KCNT2: variants seen among roughly 807,000 people sequenced by gnomAD.
KCNT2 encodes potassium sodium-activated channel subfamily T member 2, also known as potassium channel subfamily T member 2.
A neutral mutation model predicts 153.8 loss-of-function variants in KCNT2; 67 were observed. The ratio of observed to expected loss-of-function variants is 0.44; its 90% confidence interval spans 0.36 to 0.53. KCNT2 has a LOEUF of 0.53. Ranked by LOEUF, KCNT2 falls within the 20% of genes least tolerant of loss-of-function variation. The probability of loss-of-function intolerance (pLI) is 0.00; values close to 1 mark genes in which losing one functional copy is unlikely to be tolerated. For missense variants in KCNT2, 975 were observed against 1,354.8 expected (o/e 0.72, Z 4.40); for synonymous variants, 500 against 458.8 (o/e 1.09, Z -1.15).
intron 25 of KCNT2, among the ~76,000 whole-genome samples, chr1:196,279,785 A>G (rs1046150579): frequency 4.6e-4 from 70 of 152,190 alleles, no homozygotes; most frequent in African/African-American, 1.6e-3. Flanking sequence ...AGCAACTCAG[A>G]AAAACTAACC....
At chr1:196,271,091 A>T (rs1432507104) in intron 25 of KCNT2, among the ~76,000 whole-genome samples, 1 of 151,960 alleles carries the variant, frequency 6.6e-6, no homozygotes, top group Non-Finnish European at 1.5e-5. Flanking sequence ...CCTTTGCAGC[A>T]TCTGAGAACC....
chr1:196,497,766 T>G (rs1185493978), intron 1 of KCNT2, among the ~76,000 whole-genome samples: 3 of 152,200 alleles, frequency 2.0e-5, no homozygotes, highest in Non-Finnish European at 4.4e-5. Context: ...TTTGGTGAAT[T>G]ACTTCAACAG....
intron 11 of KCNT2, among the ~76,000 whole-genome samples, chr1:196,425,067 T>C (rs1477671220): frequency 1.3e-5 from 2 of 151,972 alleles, no homozygotes; most frequent in Non-Finnish European, 2.9e-5. Flanking sequence ...AAGATATGTT[T>C]AAAACTTTAA....
chr1:196,225,819 A>G lies in KCNT2; in HGVS notation c.*2405T>C, dbSNP rs1418860841. Reference sequence around the variant, plus strand: ...ATAATTTTATTATTTATTTTAAAGCAGTTCAATGTAACTGGTAGCAAAATG... The same window carrying G: ...ATAATTTTATTATTTATTTTAAAGCGGTTCAATGTAACTGGTAGCAAAATG... On this transcript the variant is annotated 3_prime_UTR_variant, in exon 28 of 28. Transcript: ENST00000294725. The G allele has an allele frequency of 6.6e-6, 1 of 152,212 alleles. No individual in the cohort carries two copies. The highest frequency in any genetic ancestry group is 1.5e-5 in the Non-Finnish European group (1 of 68,018). 9.4% of individuals were successfully genotyped at this position (152,212 alleles called of 1,614,324 possible). A position where few individuals can be genotyped will look rare whatever the true frequency, so the allele number is the denominator to read the frequency against.
chr1:196,286,638 T>TAC (rs201006771), intron 22 of KCNT2, among the ~76,000 whole-genome samples: 4,682 of 134,294 alleles, frequency 0.035, 101 homozygotes, highest in African/African-American at 0.074. Context: ...CACACACACA[T>TAC]ACACACACAC....
chr1:196,486,517 A>G (rs2148717562), intron 3 of KCNT2, among the ~76,000 whole-genome samples: 1 of 152,124 alleles, frequency 6.6e-6, no homozygotes, highest in South Asian at 2.1e-4. Flanking sequence ...ACACTTATGA[A>G]CTGTCTTAAA....
intron 12 of KCNT2, among the ~76,000 whole-genome samples, chr1:196,415,162 A>G (rs912740901): frequency 2.6e-5 from 4 of 151,990 alleles, no homozygotes; most frequent in South Asian, 4.1e-4. Flanking sequence ...ACAAAATGAT[A>G]CAAACAAAAC....
intron 1 of KCNT2, among the ~76,000 whole-genome samples, chr1:196,549,524 GCTTGTGACTTAAGTTAAATC>G (rs1455833459): frequency 1.3e-5 from 2 of 151,680 alleles, no homozygotes; most frequent in Non-Finnish European, 2.9e-5. Flanking sequence ...TCTCTGGTCG[GCTTGTGACTTAAGTTAAATC>G]CTTCCAAAAT....
intron 22 of KCNT2, among the ~76,000 whole-genome samples, chr1:196,289,408 C>T (rs1425813440): frequency 1.3e-5 from 2 of 152,010 alleles, no homozygotes; most frequent in African/African-American, 4.8e-5. Flanking sequence ...GGGCAGAGAC[C>T]ATGATTTTGC....
At chr1:196,316,186 A>G (rs1300672762) in intron 20 of KCNT2, among the ~76,000 whole-genome samples, 160 bp from the exon 21 acceptor site, 1 of 151,762 alleles carries the variant, frequency 6.6e-6, no homozygotes, top group Non-Finnish European at 1.5e-5. Flanking sequence ...TTATGATACA[A>G]TATTATCTAC....
intron 18 of KCNT2, among the ~76,000 whole-genome samples, chr1:196,330,665 C>A (rs975322150): frequency 6.6e-5 from 10 of 151,926 alleles, no homozygotes; most frequent in African/African-American, 2.4e-4. Flanking sequence ...TCTTGGACAT[C>A]CAAGAATGAC....
chr1:196,293,435 C>G (rs1660382882), intron 22 of KCNT2, among the ~76,000 whole-genome samples: 1 of 152,168 alleles, frequency 6.6e-6, no homozygotes, highest in South Asian at 2.1e-4. Flanking sequence ...TAGAATGGTA[C>G]TGGCATAAAA....
chr1:196,447,887 C>T (rs1675831797), intron 8 of KCNT2, among the ~76,000 whole-genome samples: 1 of 151,022 alleles, frequency 6.6e-6, no homozygotes, highest in Non-Finnish European at 1.5e-5. Context: ...GAAGTCAGGC[C>T]ACCGAGAGCA....
At chr1:196,535,901 C>T (rs965094986) in intron 1 of KCNT2, among the ~76,000 whole-genome samples, 1 of 152,240 alleles carries the variant, frequency 6.6e-6, no homozygotes, top group East Asian at 1.9e-4. Flanking sequence ...AGTTGTGTGC[C>T]TGCACTCCAA....
At chr1:196,426,035 T>TGTTACA in intron 10 of KCNT2, 47 bp from the exon 11 acceptor site, 1 of 1,438,970 alleles carries the variant, frequency 6.9e-7, no homozygotes. Context: ...AAATGTTTTA[T>TGTTACA]GTTACACTAC....
chr1:196,422,296 T>C (rs1673281355), intron 12 of KCNT2, among the ~76,000 whole-genome samples: 1 of 151,928 alleles, frequency 6.6e-6, no homozygotes. Context: ...CTATGCACAG[T>C]TTGCCTTTTC....
At chr1:196,382,080 C>A (rs903289284) in intron 13 of KCNT2, among the ~76,000 whole-genome samples, 4 of 56,154 alleles carry the variant, frequency 7.1e-5, no homozygotes, top group African/African-American at 2.0e-4. Context: ...AATGTTTAAC[C>A]AAATTTATTT....
chr1:196,546,400 T>C (rs187360258), intron 1 of KCNT2, among the ~76,000 whole-genome samples: 89 of 152,202 alleles, frequency 5.8e-4, no homozygotes, highest in Admixed American at 3.7e-3. Flanking sequence ...GCTACTCTTC[T>C]TATCTTTGCA....
intron 1 of KCNT2, among the ~76,000 whole-genome samples, chr1:196,519,307 G>A (rs1653031295): frequency 6.6e-6 from 1 of 151,914 alleles, no homozygotes; most frequent in African/African-American, 2.4e-5. Context: ...GTGTTAAGAG[G>A]GAAATTTATA....
Sources: gnomAD v4.1 joint callset for allele counts (sites outside exome capture counted in the v4.1 genomes callset) on GRCh38, gnomAD v4.1.1 for gene constraint, MANE v1.5 for transcripts, NCBI Gene and HGNC (gene_info 2026-07-23, HGNC 2026-07-21) for gene names.